Variants in SETBP1 observed in about 807,000 individuals in gnomAD.
SETBP1 encodes SET binding protein 1, also known as SET-binding protein.
Under a neutral mutation model 101.0 loss-of-function variants are expected in SETBP1, and 9 were observed. The ratio of observed to expected loss-of-function variants is 0.09; its 90% CI spans 0.05 to 0.16. SETBP1 has a LOEUF of 0.16. SETBP1 is among the 10% of genes least tolerant of loss of function. SETBP1 has a pLI of 1.00. For missense variants in SETBP1, 1,858 were observed against 2,033.8 expected, an observed-to-expected ratio of 0.91 and a Z score of 1.66; for synonymous variants, 818 against 788.5, an observed-to-expected ratio of 1.04 and a Z score of -0.63.
chr18:45,013,829 C>T (rs11082420), intron 4 of SETBP1, among the ~76,000 whole-genome samples: 65,068 of 151,972 alleles, frequency 0.43, 14,546 homozygotes, highest in African/African-American at 0.55. Context: ...GAAGCTCTGA[C>T]GGTTGTGGTT....
intron 2 of SETBP1, among the ~76,000 whole-genome samples, chr18:44,712,040 A>G (rs1276557662): frequency 6.6e-6 from 1 of 152,180 alleles, no homozygotes; most frequent in Non-Finnish European, 1.5e-5. Flanking sequence ...ACGGGAAACA[A>G]TGGAGACCTT....
intron 4 of SETBP1, among the ~76,000 whole-genome samples, chr18:44,994,942 C>G (rs903077848): frequency 3.9e-5 from 6 of 152,058 alleles, no homozygotes; most frequent in African/African-American, 1.4e-4. Flanking sequence ...TAAATATCAG[C>G]CCTTCAAGAT....
At chr18:45,001,405 T>A (rs1239968649) in intron 4 of SETBP1, among the ~76,000 whole-genome samples, 1 of 152,204 alleles carries the variant, frequency 6.6e-6, no homozygotes, top group Non-Finnish European at 1.5e-5. Flanking sequence ...TGCAGTTAAA[T>A]GACAGTATTC....
At chr18:44,942,692 T>G (rs771693795) in intron 3 of SETBP1, among the ~76,000 whole-genome samples, 4 of 152,182 alleles carry the variant, frequency 2.6e-5, no homozygotes, top group African/African-American at 4.8e-5. Flanking sequence ...TTTAGTTAGT[T>G]TTATATTTAT....
intron 3 of SETBP1, among the ~76,000 whole-genome samples, chr18:44,875,656 C>T (rs2069386111): frequency 6.6e-6 from 1 of 151,596 alleles, no homozygotes; most frequent in South Asian, 2.1e-4. Flanking sequence ...GCTCAATACA[C>T]ATATACCAAG....
intron 3 of SETBP1, among the ~76,000 whole-genome samples, chr18:44,941,989 G>A (rs1157339579): frequency 2.0e-5 from 3 of 152,046 alleles, no homozygotes; most frequent in Non-Finnish European, 2.9e-5. Context: ...TGTCTAGTAA[G>A]CTTTTTATTG....
intron 2 of SETBP1, among the ~76,000 whole-genome samples, chr18:44,796,535 CTT>C (rs1221862949): frequency 4.6e-5 from 7 of 152,182 alleles, no homozygotes; most frequent in Non-Finnish European, 8.8e-5. Context: ...GTTAAAAGCT[CTT>C]TATGTGATTC....
chr18:44,934,008 G>C (rs1366058423), intron 3 of SETBP1, among the ~76,000 whole-genome samples: 1 of 152,158 alleles, frequency 6.6e-6, no homozygotes, highest in Non-Finnish European at 1.5e-5. Flanking sequence ...CCCGTCTTCT[G>C]CGTCACTCAT....
chr18:44,841,190 A>G (rs1453364304), intron 2 of SETBP1, among the ~76,000 whole-genome samples: 2 of 152,146 alleles, frequency 1.3e-5, no homozygotes, highest in Non-Finnish European at 2.9e-5. Context: ...GGCTGTAGTC[A>G]TCTGATTGTG....
intron 2 of SETBP1, among the ~76,000 whole-genome samples, chr18:44,722,571 A>C (rs1381055690): frequency 5.3e-5 from 8 of 152,214 alleles, no homozygotes; most frequent in Non-Finnish European, 1.5e-5. Context: ...CCTCCTGCAG[A>C]GCAGCAGTAT....
intron 2 of SETBP1, among the ~76,000 whole-genome samples, chr18:44,796,745 C>T (rs1387610601): frequency 6.6e-6 from 1 of 152,062 alleles, no homozygotes; most frequent in Non-Finnish European, 1.5e-5. Context: ...CTAAACAGCT[C>T]CTATTCCTTC....
chr18:44,932,193 T>A (rs1316360378), intron 3 of SETBP1, among the ~76,000 whole-genome samples: 1 of 152,222 alleles, frequency 6.6e-6, no homozygotes, highest in Non-Finnish European at 1.5e-5. Context: ...CTCCTTCACT[T>A]ATGAGGCTTA....
chr18:44,707,699 AG>A (rs2069252231), intron 2 of SETBP1, among the ~76,000 whole-genome samples: 1 of 152,252 alleles, frequency 6.6e-6, no homozygotes, highest in Non-Finnish European at 1.5e-5. Context: ...ATAGGAAAAA[AG>A]TTTCTTAGGT....
intron 2 of SETBP1, among the ~76,000 whole-genome samples, chr18:44,815,620 G>A (rs1230561867): frequency 6.6e-6 from 1 of 152,158 alleles, no homozygotes; most frequent in Non-Finnish European, 1.5e-5. Context: ...TCCAGTTTCT[G>A]TCCCTTGGAG....
At chr18:44,846,972 G>A (rs2072737214) in intron 2 of SETBP1, among the ~76,000 whole-genome samples, 1 of 152,156 alleles carries the variant, frequency 6.6e-6, no homozygotes, top group African/African-American at 2.4e-5. Flanking sequence ...TTTGCAGAGA[G>A]CTCTATAATG....
intron 3 of SETBP1, among the ~76,000 whole-genome samples, chr18:44,895,691 C>A (rs929105228): frequency 2.6e-5 from 4 of 152,120 alleles, no homozygotes; most frequent in African/African-American, 9.7e-5. Flanking sequence ...AAGTTACTAT[C>A]TTTTCTTCCC....
At chr18:45,005,643 CTTTTTTTTT>C (rs11301319) in intron 4 of SETBP1, among the ~76,000 whole-genome samples, 1 of 116,228 alleles carries the variant, frequency 8.6e-6, no homozygotes, top group Non-Finnish European at 1.7e-5. Flanking sequence ...TAAAATCTTC[CTTTTTTTTT>C]TTTTTTTTTT....
chr18:45,034,651 T>A (rs756578303), intron 4 of SETBP1, among the ~76,000 whole-genome samples: 3 of 152,202 alleles, frequency 2.0e-5, no homozygotes, highest in African/African-American at 7.2e-5. Context: ...AGATGTTGGA[T>A]CCACAAAGTT....
chr18:44,780,548 G>A (rs2071106141), intron 2 of SETBP1, among the ~76,000 whole-genome samples: 1 of 152,306 alleles, frequency 6.6e-6, no homozygotes, highest in East Asian at 1.9e-4. Context: ...TTTCATCCAA[G>A]TCATGGTTTT....
Sources: allele counts gnomAD v4.1 joint callset (sites outside exome capture counted in the v4.1 genomes callset), GRCh38; gene constraint gnomAD v4.1.1; transcripts MANE v1.5; gene names NCBI Gene and HGNC (gene_info 2026-07-23, HGNC 2026-07-21).